Variants in HMCN1 observed in about 807,000 individuals in gnomAD.
HMCN1 encodes hemicentin 1.
A neutral mutation model predicts 625.9 loss-of-function variants in HMCN1; 321 were observed. The ratio of observed to expected loss-of-function variants is 0.51; its 90% CI spans 0.47 to 0.56. The LOEUF is 0.56. Ranked by LOEUF, HMCN1 falls within the 20% of genes least tolerant of loss-of-function variation. The pLI, the probability that HMCN1 is intolerant of heterozygous loss-of-function variation, is 0.00. For synonymous variants in HMCN1, 2,425 were observed against 2,417.6 expected, an observed-to-expected ratio of 1.00 and a Z score of -0.09; for missense variants, 6,588 against 6,887.3, an observed-to-expected ratio of 0.96 and a Z score of 1.54.
At chr1:185,893,983 A>G (rs79065554) in intron 4 of HMCN1, among the ~76,000 whole-genome samples, 9,621 of 152,042 alleles carry the variant, frequency 0.063, 1,059 homozygotes, top group African/African-American at 0.22. Flanking sequence ...AGATTACAAA[A>G]AATTAGCCAG....
chr1:185,923,325 C>T lies in HMCN1; in HGVS notation c.1022-65C>T, dbSNP rs976155904. ...CTCATATATTATTATCATGCAAATA[C>T]TTATTTGATATATAACTTCAATTGC... On this transcript the variant is annotated intron_variant, in intron 7 of 106. Coordinates refer to ENST00000271588, the MANE Select transcript of HMCN1 (RefSeq NM_031935.3). 29 of 1,228,950 alleles carry T rather than the reference C, an allele frequency of 2.4e-5. No individual in the cohort carries two copies. In the East Asian group the frequency reaches 6.3e-4, roughly 27 times the overall value. The allele number at this position is 1,228,950 out of a possible 1,614,324, so 76.1% of individuals were successfully genotyped here.
intron 1 of HMCN1, among the ~76,000 whole-genome samples, chr1:185,838,678 C>T (rs1661314292): frequency 6.6e-6 from 1 of 152,190 alleles, no homozygotes; most frequent in South Asian, 2.1e-4. Context: ...CCTACAGTGA[C>T]TGCAAAGCAT....
intron 105 of HMCN1, among the ~76,000 whole-genome samples, chr1:186,182,767 G>A (rs951205075): frequency 3.9e-5 from 6 of 152,164 alleles, no homozygotes; most frequent in African/African-American, 1.4e-4. Flanking sequence ...GAACAATTAT[G>A]TGCTAGCATT....
chr1:185,894,061 G>A (rs977453177), intron 4 of HMCN1, among the ~76,000 whole-genome samples: 10 of 151,878 alleles, frequency 6.6e-5, no homozygotes, highest in African/African-American at 2.4e-4. Flanking sequence ...CGTGAACCCG[G>A]GAGGCAGAGC....
chr1:186,063,244 C>G (rs1018351279), intron 48 of HMCN1, among the ~76,000 whole-genome samples: 6 of 150,848 alleles, frequency 4.0e-5, no homozygotes, highest in African/African-American at 1.5e-4. Context: ...GATATTGAGT[C>G]CCACTATATA....
chr1:186,065,138 G>C (rs1571807255), intron 48 of HMCN1, 100 bp from the exon 49 acceptor site: 12 of 842,820 alleles, frequency 1.4e-5, no homozygotes, highest in Non-Finnish European at 2.1e-5. Flanking sequence ...TTTAGACATG[G>C]GATATGTAGG....
chr1:185,979,032 T>C (rs529960373), intron 16 of HMCN1, among the ~76,000 whole-genome samples: 1 of 152,256 alleles, frequency 6.6e-6, no homozygotes, highest in East Asian at 1.9e-4. Flanking sequence ...CTTCCAGATA[T>C]AAATTAAATT....
chr1:186,005,442 AT>A (rs1370570853), intron 29 of HMCN1, among the ~76,000 whole-genome samples: 1 of 150,808 alleles, frequency 6.6e-6, no homozygotes, highest in African/African-American at 2.4e-5. Context: ...AATTGTTTAA[AT>A]TGTTTATAAA....
intron 1 of HMCN1, among the ~76,000 whole-genome samples, chr1:185,782,933 C>A (rs1404078123): frequency 6.6e-6 from 1 of 152,170 alleles, no homozygotes. Context: ...TAATATCCTG[C>A]AGAGTGTTTT....
At chr1:186,008,077 C>T (rs1247776016) in intron 30 of HMCN1, among the ~76,000 whole-genome samples, 1 of 152,140 alleles carries the variant, frequency 6.6e-6, no homozygotes, top group Non-Finnish European at 1.5e-5. Context: ...CAGCACACAT[C>T]ACTATCTGAT....
chr1:185,892,621 T>C (rs1665184345), intron 4 of HMCN1, among the ~76,000 whole-genome samples: 2 of 152,216 alleles, frequency 1.3e-5, no homozygotes, highest in Admixed American at 6.5e-5. Context: ...GTTAGGCTGC[T>C]CGGGGGTCGG....
chr1:186,165,162 C>A lies in HMCN1; in HGVS notation c.15308C>A (p.Pro5103His), dbSNP rs201819746. 2 of 1,613,606 alleles carry A rather than the reference C, an allele frequency of 1.2e-6. No individual in the cohort carries two copies. Among genetic ancestry groups the A allele is most frequent in the Non-Finnish European group, 1.7e-6 (2 of 1,179,634 alleles). ...PSGFTLDSVG[P>H]FCADEDECAA... is the part of the protein sequence containing the mutation. ...GGGTTTACCTTAGACTCAGTTGGAC[C>A]TTTTTGTGCTGGTAAGTACAGAGAT... The change falls in exon 98 of 107, where the codon CCT becomes CAT. Residue 5103 changes from proline (P) to histidine (H), a missense_variant. Coordinates refer to ENST00000271588, the MANE Select transcript of HMCN1 (RefSeq NM_031935.3).
chr1:185,829,314 G>A (rs920797270), intron 1 of HMCN1, among the ~76,000 whole-genome samples: 3 of 151,190 alleles, frequency 2.0e-5, no homozygotes, highest in South Asian at 2.1e-4. Flanking sequence ...AGGGGGATAC[G>A]TGTACAGAAC....
Position 186,167,548 on chromosome 1 carries a change from G to T in HMCN1, c.15574+606G>T, listed in dbSNP as rs72707472. On this transcript the variant is annotated intron_variant, in intron 100 of 106. Transcript: ENST00000271588. ...TTCTCTTGGTGTTGCACATTCTATG[G>T]GTTTGCAAAAATTTATAGCAACATG... is the stretch of plus-strand genomic sequence containing the variant. 9.9e-3 allele frequency among the ~76,000 whole-genome samples: 1,503 copies of T among 152,122 alleles called. 11 individuals are homozygous for T. The highest frequency in any genetic ancestry group is 0.041 in the Middle Eastern group (12 of 294).
At chr1:185,782,278 G>A (rs1657181746) in intron 1 of HMCN1, among the ~76,000 whole-genome samples, 1 of 152,194 alleles carries the variant, frequency 6.6e-6, no homozygotes, top group African/African-American at 2.4e-5. Context: ...ACAGCACACT[G>A]ATGGGTCTTG....
In HMCN1 at chr1:186,078,143, A is replaced by C. The variant is rs1187194647; in HGVS notation, c.8522A>C (p.Glu2841Ala). ...TTGCAGATTCCTCGGGCTAAAGTAG[A>C]AGATGCTGGGAGATACACATGTGTG... ...RVLQIPRAKV[E>A]DAGRYTCVAV... Residue 2841 changes from glutamate (E) to alanine (A), a missense_variant, in exon 55 of 107, where the codon GAA becomes GCA. Around this residue, in one of 3 missense-constraint regions of HMCN1, gnomAD observed 4,628 missense variants for 4,853.1 expected, o/e 0.95. Coordinates refer to ENST00000271588, the MANE Select transcript of HMCN1 (RefSeq NM_031935.3). 1 of 1,613,720 alleles carries C rather than the reference A, an allele frequency of 6.2e-7. No homozygotes were observed. Among genetic ancestry groups the C allele is most frequent in the African/African-American group, 1.3e-5 (1 of 74,916 alleles).
chr1:185,868,344 C>T (rs181332057), intron 4 of HMCN1, among the ~76,000 whole-genome samples: 5 of 152,150 alleles, frequency 3.3e-5, no homozygotes, highest in Admixed American at 2.6e-4. Context: ...CGCTGTGTCT[C>T]CCCCCACTGC....
chr1:185,852,073 T>C (rs951285706), intron 2 of HMCN1, among the ~76,000 whole-genome samples: 1 of 151,900 alleles, frequency 6.6e-6, no homozygotes, highest in Admixed American at 6.6e-5. Flanking sequence ...GGAGAATAAA[T>C]GGGTTTAAAC....
At chr1:185,758,154 G>C (rs2102113931) in intron 1 of HMCN1, among the ~76,000 whole-genome samples, 1 of 152,234 alleles carries the variant, frequency 6.6e-6, no homozygotes, top group African/African-American at 2.4e-5. Context: ...TTTCAGGATT[G>C]TCTTCAACAT....
Sources: gnomAD v4.1 joint callset for allele counts (sites outside exome capture counted in the v4.1 genomes callset) on GRCh38, gnomAD v4.1.1 for gene constraint, gnomAD v4.1.1 regional missense constraint, MANE v1.5 for transcripts, NCBI Gene and HGNC (gene_info 2026-07-23, HGNC 2026-07-21) for gene names.